Variants in MEF2B observed in about 807,000 individuals in gnomAD.
The protein encoded by MEF2B is myocyte enhancer factor 2B.
Under a neutral mutation model 32.2 loss-of-function variants are expected in MEF2B, and 15 were observed. The ratio of observed to expected loss-of-function variants is 0.47; its 90% CI spans 0.31 to 0.72. The LOEUF (loss-of-function observed/expected upper bound fraction) is 0.72. Ranked by LOEUF, MEF2B falls within the 30% of genes least tolerant of loss-of-function variation. MEF2B has a pLI of 0.05. For synonymous variants in MEF2B, 205 were observed against 225.6 expected (o/e 0.91, Z 0.82); for missense variants, 441 against 511.5 (o/e 0.86, Z 1.33).
intron 1 of MEF2B, among the ~76,000 whole-genome samples, chr19:19,168,268 C>CTTTTTTTTTTTTTTTTTTTTTTTTTTT (rs1050853160): frequency 2.0e-5 from 2 of 99,026 alleles, no homozygotes; most frequent in African/African-American, 3.7e-5. Context: ...TTTCTTTCTT[C>CTTTTTTTTTTTTTTTTTTTTTTTTTTT]TTTTTTTTTT....
In MEF2B at chr19:19,145,869, C is replaced by T; in HGVS notation, c.1035G>A (p.Arg345=). Residue 345 remains arginine, a synonymous_variant, in exon 9 of 9, where the codon CGG becomes CGA. Coordinates refer to ENST00000424583, the MANE Select transcript of MEF2B (RefSeq NM_001145785.2). The surrounding 1 kb of genome is among the most constrained non-coding windows in gnomAD (Gnocchi z 4.6). ...KTFPYPLLLA[R]SLAEPLRPGP... ...CAGGCCGCAGAGGCTCTGCCAGGGACCGGGCGAGGAGCAAGGGATAGGGGA... is the reference window on the plus strand; with the variant it reads ...CAGGCCGCAGAGGCTCTGCCAGGGATCGGGCGAGGAGCAAGGGATAGGGGA... The T allele has an allele frequency of 6.8e-7, 1 of 1,480,452 alleles. No individual in the cohort carries two copies. The highest frequency in any genetic ancestry group is 9.0e-7 in the Non-Finnish European group (1 of 1,113,524). The allele number at this position is 1,480,452 out of a possible 1,614,324, so 91.7% of individuals were successfully genotyped here.
Position 19,146,875 on chromosome 19 carries a change from C to A in MEF2B, c.542G>T (p.Gly181Val). The change falls in exon 6 of 9, where the codon GGC becomes GTC. Residue 181 changes from glycine (G) to valine (V), a missense_variant and splice_region_variant. Physicochemically the swap from Gly to Val is moderately radical, Grantham distance 109. This residue lies in a region of MEF2B where 326 missense variants were observed against 328.4 expected (regional missense o/e 0.99). Transcript: ENST00000424583. ...TGGTGAGAAGAGAGGGTGCACCAGG[C>A]CTGGGGAAGAGGAGACCCCAGAGAG... ...RPAAPKAGPP[G>V]LVHPLFSPSH... 1 of 1,610,872 alleles carries A rather than the reference C, an allele frequency of 6.2e-7. No individual in the cohort carries two copies. The highest frequency in any genetic ancestry group is 8.5e-7 in the Non-Finnish European group (1 of 1,178,780).
At chr19:19,156,405 A>G (rs990281960) in intron 1 of MEF2B, among the ~76,000 whole-genome samples, 1 of 150,340 alleles carries the variant, frequency 6.7e-6, no homozygotes. Context: ...AAAAAAAAAA[A>G]TTTTTTTTTT....
intron 1 of MEF2B, among the ~76,000 whole-genome samples, chr19:19,164,415 G>A (rs1014252505): frequency 5.3e-5 from 8 of 152,040 alleles, no homozygotes; most frequent in African/African-American, 1.9e-4. Context: ...TCAGGCCAAG[G>A]AACTGGCCCT....
At chr19:19,166,580 AC>A (rs113540011) in intron 1 of MEF2B, among the ~76,000 whole-genome samples, 15 of 136,166 alleles carry the variant, frequency 1.1e-4, no homozygotes, top group African/African-American at 4.2e-4. Flanking sequence ...ACATAGGGAG[AC>A]CCCCCCATCT....
intron 1 of MEF2B, among the ~76,000 whole-genome samples, chr19:19,160,003 C>G (rs558051703): frequency 2.0e-5 from 3 of 147,022 alleles, no homozygotes; most frequent in East Asian, 2.0e-4. Context: ...GAGTCTCGCT[C>G]TGTTGCCCAG....
rs2060021943 is a variant in MEF2B at position 19,145,981 on chromosome 19, C to T, written c.923G>A (p.Gly308Asp). ...GACTGGGGGGGTCGGCGGGGAGGCG[C>T]CGCGGGTTGGGGGACCCTCCTCGCC... ...SLGEEGPPTRGASPPTPPVSI... is the reference protein window; with the variant it reads ...SLGEEGPPTRDASPPTPPVSI... Residue 308 changes from glycine to aspartate, a missense_variant, in exon 9 of 9, where the codon GGC (glycine) becomes GAC (aspartate). By Grantham distance (94) the Gly-to-Asp change is moderately conservative. This residue lies in a region of MEF2B where 326 missense variants were observed against 328.4 expected (regional missense o/e 0.99). Transcript: ENST00000424583. The surrounding 1 kb of genome is among the most constrained non-coding windows in gnomAD (Gnocchi z 4.6). 1.4e-6 allele frequency: 2 copies of T among 1,436,344 alleles called. No individual in the cohort carries two copies. The highest frequency in any genetic ancestry group is 5.4e-5 in the East Asian group (2 of 36,744). The allele number at this position is 1,436,344 out of a possible 1,614,324, so 89.0% of individuals were successfully genotyped here.
chr19:19,161,082 G>C (rs571262059), intron 1 of MEF2B, among the ~76,000 whole-genome samples: 1 of 152,230 alleles, frequency 6.6e-6, no homozygotes, highest in African/African-American at 2.4e-5. Context: ...CCTCCAGAAA[G>C]TCAGGGGGCA....
chr19:19,147,979 G>C, intron 3 of MEF2B, 147 bp from the exon 4 acceptor site: 1 of 1,358,620 alleles, frequency 7.4e-7, no homozygotes, highest in Non-Finnish European at 9.7e-7. Context: ...AAACCCCACT[G>C]ACCAAACCCC....
chr19:19,156,554 A>G (rs978572967), intron 1 of MEF2B, among the ~76,000 whole-genome samples: 2 of 152,190 alleles, frequency 1.3e-5, no homozygotes, highest in Non-Finnish European at 1.5e-5. Context: ...TTAAAGGCCC[A>G]GGTGGTTTTA....
chr19:19,146,934 C>T, intron 5 of MEF2B, 59 bp from the exon 6 acceptor site: 1 of 1,585,356 alleles, frequency 6.3e-7, no homozygotes. Context: ...CTAATGAAGT[C>T]TGAGGTTTAG....
chr19:19,170,210 C>T lies in MEF2B; in HGVS notation c.-35G>A, dbSNP rs1171401373. 7.5e-6 allele frequency: 3 copies of T among 398,518 alleles called. No homozygotes were observed. The highest frequency in any genetic ancestry group is 3.6e-5 in the East Asian group (1 of 28,086). 24.7% of individuals were successfully genotyped at this position (398,518 alleles called of 1,614,324 possible). On this transcript the variant is annotated 5_prime_UTR_variant, in exon 1 of 9. Coordinates refer to ENST00000424583, the MANE Select transcript of MEF2B (RefSeq NM_001145785.2). ...CAACCCGATATGACACGCACCTGCT[C>T]GGCCTGGGCCCTGGGACGCTGGGCG...
chr19:19,146,929 G>C, intron 5 of MEF2B, 54 bp from the exon 6 acceptor site: 1 of 1,585,464 alleles, frequency 6.3e-7, no homozygotes, highest in Non-Finnish European at 8.6e-7. Flanking sequence ...GTCAACTAAT[G>C]AAGTCTGAGG....
intron 2 of MEF2B, 124 bp downstream of exon 2, chr19:19,150,558 G>C (rs1489783012): frequency 8.9e-7 from 1 of 1,123,112 alleles, no homozygotes; most frequent in Non-Finnish European, 1.2e-6. Flanking sequence ...GGCTGACATG[G>C]CATCAGGACT....
At chr19:19,151,530 C>T (rs774900480) in intron 1 of MEF2B, among the ~76,000 whole-genome samples, 4 of 152,162 alleles carry the variant, frequency 2.6e-5, no homozygotes, top group Non-Finnish European at 5.9e-5. Context: ...GTGGCCTGTC[C>T]TGCAGCCGCC....
intron 1 of MEF2B, among the ~76,000 whole-genome samples, chr19:19,160,254 G>A (rs1372856502): frequency 1.3e-5 from 2 of 152,024 alleles, no homozygotes; most frequent in African/African-American, 4.8e-5. Flanking sequence ...ACAGGTGTGA[G>A]CCACCACACG....
intron 1 of MEF2B, among the ~76,000 whole-genome samples, chr19:19,158,610 A>T (rs1599729959): frequency 6.9e-6 from 1 of 144,808 alleles, no homozygotes; most frequent in South Asian, 2.3e-4. Flanking sequence ...AAAAAAAAAA[A>T]TTAGCTAAGT....
Position 19,146,296 on chromosome 19 carries a change from G to A in MEF2B, c.858C>T (p.Pro286=). ...ACCTGGGCTGGGAGGACACGGCGGG[G>A]GGCCCATCACCCCTCGAGGGCTGCC... is the stretch of plus-strand genomic sequence containing the variant. The part of the protein sequence containing the change: ...APWQPSRGDG[P]PAVSSQPSGG... The change falls in exon 8 of 9, where the codon CCC becomes CCT. Residue 286 remains proline, a synonymous_variant. Coordinates refer to ENST00000424583, the MANE Select transcript of MEF2B (RefSeq NM_001145785.2). 1 of 1,336,586 alleles carries A rather than the reference G, an allele frequency of 7.5e-7. No individual in the cohort carries two copies. The highest frequency in any genetic ancestry group is 9.6e-7 in the Non-Finnish European group (1 of 1,037,112). 82.8% of individuals were successfully genotyped at this position (1,336,586 alleles called of 1,614,324 possible). A position where few individuals can be genotyped will look rare whatever the true frequency, so the allele number is the denominator to read the frequency against.
At chr19:19,150,394 G>A (rs183997465) in intron 2 of MEF2B, among the ~76,000 whole-genome samples, 36 of 152,054 alleles carry the variant, frequency 2.4e-4, no homozygotes, top group Non-Finnish European at 4.9e-4. Context: ...GGGCTTGGTG[G>A]TGCGCACCCG....
Sources: allele counts gnomAD v4.1 joint callset (sites outside exome capture counted in the v4.1 genomes callset), GRCh38; gene constraint gnomAD v4.1.1; regional missense constraint gnomAD v4.1.1; non-coding constraint Gnocchi (gnomAD v3.1); transcripts MANE v1.5; gene names NCBI Gene and HGNC (gene_info 2026-07-23, HGNC 2026-07-21).